The following ILDR1 variants were observed in gnomAD, a reference collection of about 807,000 sequenced individuals.
ILDR1 encodes immunoglobulin-like domain-containing receptor 1.
A neutral mutation model predicts 62.4 loss-of-function variants in ILDR1; 56 were observed. The observed-to-expected ratio is 0.90, with a 90% CI of 0.72 to 1.12. The LOEUF is 1.12. Among genes scored for constraint, ILDR1 ranks in the 50% most tolerant of loss-of-function variants. ILDR1 has a pLI of 0.00. For missense variants in ILDR1, 736 were observed against 710.6 expected, an observed-to-expected ratio of 1.04 and a Z score of -0.41; for synonymous variants, 284 against 277.8, an observed-to-expected ratio of 1.02 and a Z score of -0.22.
chr3:122,007,109 CAG>C lies in ILDR1; in HGVS notation c.109_110del (p.Leu37ValfsTer9). 7 of 1,614,160 alleles carry C rather than the reference CAG, an allele frequency of 4.3e-6. No homozygotes were observed. The highest frequency in any genetic ancestry group is 5.9e-6 in the Non-Finnish European group (7 of 1,180,026). On this transcript the variant is annotated frameshift_variant, in exon 2 of 8. Coordinates refer to ENST00000344209, the MANE Select transcript of ILDR1 (RefSeq NM_001199799.2). LOFTEE classifies it high-confidence loss of function. ...TVQHTERYVT[L>X]FASIILKCDY... Reference sequence around the variant, plus strand: ...CACATTTGAGGATGATAGAGGCAAACAGGGTGACATAGCGTTCTGTGTGCTGG... The same window carrying C: ...CACATTTGAGGATGATAGAGGCAAACGGTGACATAGCGTTCTGTGTGCTGG...
At chr3:122,022,856 T>A (rs2071882606), upstream of ILDR1, among the ~76,000 whole-genome samples, 1 of 151,820 alleles carries the variant, frequency 6.6e-6, no homozygotes, top group Non-Finnish European at 1.5e-5. Context: ...GAGGTTGAAG[T>A]GAGCGGAGAT....
rs2071524161 is a variant in ILDR1, at chr3:122,001,468, G to A, written c.500-14C>T. Reference sequence around the variant, plus strand: ...CTGTCAGCCAGTCTGCAGGGGAGAAGCCAAGCAGGGGTTGAACTAAATATT... The same window carrying A: ...CTGTCAGCCAGTCTGCAGGGGAGAAACCAAGCAGGGGTTGAACTAAATATT... On this transcript the variant is annotated splice_polypyrimidine_tract_variant and intron_variant, in intron 4 of 7. Transcript: ENST00000344209. The A allele has an allele frequency of 6.2e-7, 1 of 1,613,966 alleles. No homozygotes were observed. The highest frequency in any genetic ancestry group is 8.5e-7 in the Non-Finnish European group (1 of 1,179,898).
the ILDR1 span, among the ~76,000 whole-genome samples, chr3:122,045,301 G>A: frequency 2.5e-3 from 376 of 148,908 alleles, 2 homozygotes; most frequent in African/African-American, 8.7e-3. Flanking sequence ...TATAATTTCT[G>A]TTCTTTTACA....
chr3:122,056,881 G>A, the ILDR1 span, among the ~76,000 whole-genome samples: 1 of 152,248 alleles, frequency 6.6e-6, no homozygotes, highest in Non-Finnish European at 1.5e-5. Flanking sequence ...TGCTAGCACT[G>A]TCTGCAGAGG....
At chr3:122,037,958 C>G in the ILDR1 span, among the ~76,000 whole-genome samples, 35 of 152,216 alleles carry the variant, frequency 2.3e-4, no homozygotes, top group African/African-American at 7.9e-4. Flanking sequence ...CTCTGTCTCT[C>G]TCTCTCTCTC....
In ILDR1 at chr3:122,005,343, C is replaced by G; in HGVS notation, c.280G>C (p.Asp94His). The change falls in exon 3 of 8, where the codon GAC becomes CAC. Residue 94 changes from aspartate to histidine, a missense_variant. Coordinates refer to ENST00000344209, the MANE Select transcript of ILDR1 (RefSeq NM_001199799.2). ...ACTATGCGAACTTCCCGCTGGTTGTCGTTGCAGTCATTGGATGGGTCCTGG... is the reference window on the plus strand; with the variant it reads ...ACTATGCGAACTTCCCGCTGGTTGTGGTTGCAGTCATTGGATGGGTCCTGG... The part of the protein sequence containing the change: ...LGQDPSNDCN[D>H]NQREVRIVAQ... 6.2e-7 allele frequency: 1 copy of G among 1,614,152 alleles called. No individual in the cohort carries two copies. Among genetic ancestry groups the G allele is most frequent in the Non-Finnish European group, 8.5e-7 (1 of 1,180,020 alleles).
chr3:121,989,298 A>G (rs2071302807), intron 7 of ILDR1, among the ~76,000 whole-genome samples: 1 of 152,240 alleles, frequency 6.6e-6, no homozygotes, highest in Admixed American at 6.5e-5. Flanking sequence ...GGTAAAAGGA[A>G]CTTGTCCAAG....
intron 1 of ILDR1, among the ~76,000 whole-genome samples, chr3:122,007,615 C>T (rs1024969910): frequency 6.6e-6 from 1 of 152,160 alleles, no homozygotes. Flanking sequence ...TCGTCTGCCC[C>T]GTGTCCCTTC....
At chr3:122,011,275 TC>T in intron 1 of ILDR1, among the ~76,000 whole-genome samples, 1 of 151,938 alleles carries the variant, frequency 6.6e-6, no homozygotes, top group African/African-American at 2.4e-5. Flanking sequence ...TTGCTGGGGG[TC>T]AGAAAAAGGA....
In ILDR1 at chr3:121,993,084, G is replaced by A. The variant is rs181264416; in HGVS notation, c.1599+66C>T. 9 of 1,291,806 alleles carry A rather than the reference G, an allele frequency of 7.0e-6. No individual in the cohort carries two copies. In the East Asian group the frequency reaches 2.3e-4, roughly 32 times the overall value. The allele number at this position is 1,291,806 out of a possible 1,614,324, so 80.0% of individuals were successfully genotyped here. ...ATGAGAGGCAGCCTGTGTTGGCTGT[G>A]GTCATGCCTGGCTGGAGGCTCCTCT... is the stretch of plus-strand genomic sequence containing the variant. On this transcript the variant is annotated intron_variant, in intron 7 of 7. Coordinates refer to ENST00000344209, the MANE Select transcript of ILDR1 (RefSeq NM_001199799.2).
chr3:122,016,400 C>T (rs2071777478), intron 1 of ILDR1, among the ~76,000 whole-genome samples: 1 of 152,238 alleles, frequency 6.6e-6, no homozygotes, highest in African/African-American at 2.4e-5. Context: ...AGCACGAGGT[C>T]TTGCACCAAG....
chr3:122,050,335 T>C, the ILDR1 span, among the ~76,000 whole-genome samples: 2 of 152,236 alleles, frequency 1.3e-5, no homozygotes, highest in Admixed American at 6.5e-5. Context: ...ATTCTGTTGC[T>C]CTTTTTATCT....
At chr3:122,056,644 A>G in the ILDR1 span, among the ~76,000 whole-genome samples, 2 of 152,146 alleles carry the variant, frequency 1.3e-5, no homozygotes, top group Non-Finnish European at 2.9e-5. Flanking sequence ...GTCACTATGT[A>G]TTTATAATTA....
the ILDR1 span, among the ~76,000 whole-genome samples, chr3:122,059,141 T>C: frequency 5.3e-5 from 8 of 152,022 alleles, no homozygotes. Flanking sequence ...GACAAGTAGA[T>C]ATTTAGGTGC....
Position 121,993,183 on chromosome 3 carries a change from A to G in ILDR1, c.1566T>C (p.Asn522=), listed in dbSNP as rs773155662. Residue 522 remains asparagine, a synonymous_variant, in exon 7 of 8, where the codon AAT becomes AAC. Transcript: ENST00000344209. ...TCTCCACACTCCCTTTTTTCCTGCT[A>G]TTCTTGCCTGGAGTGATATCAAGTG... ...YRSLDITPGK[N]SRKKGSVERR... 5.0e-6 allele frequency: 8 copies of G among 1,611,668 alleles called. No homozygotes were observed. Among genetic ancestry groups the G allele is most frequent in the Non-Finnish European group, 5.9e-6 (7 of 1,179,062 alleles).
chr3:122,056,277 C>T, the ILDR1 span, among the ~76,000 whole-genome samples: 3 of 152,278 alleles, frequency 2.0e-5, no homozygotes, highest in Admixed American at 2.0e-4. Flanking sequence ...TGGAAGGAGT[C>T]ACACCCGCCC....
At chr3:122,038,703 A>G in the ILDR1 span, among the ~76,000 whole-genome samples, 82 of 152,358 alleles carry the variant, frequency 5.4e-4, no homozygotes, top group South Asian at 0.016. Flanking sequence ...ATGGAATTTA[A>G]AATAGCTATA....
chr3:122,004,026 T>TA (rs71136546), intron 3 of ILDR1, among the ~76,000 whole-genome samples: 209 of 143,534 alleles, frequency 1.5e-3, no homozygotes, highest in East Asian at 1.6e-3. Flanking sequence ...ATGCCGAATG[T>TA]AAAAAAAAAA....
At chr3:122,018,394 T>TGGGGGGGGGGG (rs535294009) in intron 1 of ILDR1, among the ~76,000 whole-genome samples, 1 of 51,856 alleles carries the variant, frequency 1.9e-5, no homozygotes, top group African/African-American at 7.1e-5. Context: ...CCTGTTGGGG[T>TGGGGGGGGGGG]GGGGGGGGGG....
Sources: allele counts gnomAD v4.1 joint callset (sites outside exome capture counted in the v4.1 genomes callset), GRCh38; gene constraint gnomAD v4.1.1; transcripts MANE v1.5; gene names NCBI Gene and HGNC (gene_info 2026-07-23, HGNC 2026-07-21).